The following FSTL4 variants were observed in gnomAD, a reference collection of about 807,000 sequenced individuals.
FSTL4 encodes follistatin-related protein 4.
A neutral mutation model predicts 78.2 loss-of-function variants in FSTL4; 28 were observed. That is an observed-to-expected ratio of 0.36 (90% CI 0.27 to 0.49). The LOEUF is 0.49. Among genes scored for constraint, FSTL4 ranks in the 20% least tolerant of loss-of-function variants. The pLI is 0.98. For synonymous variants in FSTL4, 422 were observed against 440.5 expected (o/e 0.96, Z 0.53); for missense variants, 922 against 1,084.9 (o/e 0.85, Z 2.11).
intron 3 of FSTL4, among the ~76,000 whole-genome samples, chr5:133,466,261 G>A (rs950974300): frequency 1.3e-5 from 2 of 152,206 alleles, no homozygotes; most frequent in African/African-American, 2.4e-5. Context: ...AACACTTACC[G>A]GCCAGGTGCG....
chr5:133,356,363 C>A (rs1428067102), intron 4 of FSTL4, among the ~76,000 whole-genome samples: 2 of 152,034 alleles, frequency 1.3e-5, no homozygotes, highest in African/African-American at 2.4e-5. Context: ...TGCCACTGAA[C>A]CTGGATTTAG....
chr5:133,235,406 G>A (rs1751627699), intron 7 of FSTL4, among the ~76,000 whole-genome samples: 1 of 151,332 alleles, frequency 6.6e-6, no homozygotes, highest in Non-Finnish European at 1.5e-5. Context: ...GGCTGAGGTA[G>A]GAGAATTGCT....
intron 2 of FSTL4, among the ~76,000 whole-genome samples, chr5:133,600,883 C>T (rs1391568369): frequency 6.6e-6 from 1 of 152,186 alleles, no homozygotes; most frequent in Non-Finnish European, 1.5e-5. Context: ...AGGTTTTTCA[C>T]TTATTTAGAG....
At chr5:133,774,457 C>A in the FSTL4 span, among the ~76,000 whole-genome samples, 22 of 152,042 alleles carry the variant, frequency 1.4e-4, no homozygotes, top group Non-Finnish European at 2.9e-4. Context: ...GGATAGCCCC[C>A]CATAACAATT....
chr5:133,281,927 CCCAGACTAGAGACCAGG>C (rs1753018485), intron 6 of FSTL4, among the ~76,000 whole-genome samples: 2 of 152,036 alleles, frequency 1.3e-5, no homozygotes, highest in Admixed American at 1.3e-4. Context: ...GTTCTAGGCT[CCCAGACTAGAGACCAGG>C]CCAGAGCCTG....
intron 4 of FSTL4, among the ~76,000 whole-genome samples, chr5:133,340,501 G>A (rs1754556583): frequency 6.6e-6 from 1 of 152,120 alleles, no homozygotes; most frequent in Non-Finnish European, 1.5e-5. Flanking sequence ...CTGCTTCAAG[G>A]CAGCCACTTC....
the FSTL4 span, among the ~76,000 whole-genome samples, chr5:133,791,773 C>G: frequency 6.6e-6 from 1 of 152,260 alleles, no homozygotes; most frequent in African/African-American, 2.4e-5. Context: ...AGCTCCCCTC[C>G]TCCTCCTCTG....
At chr5:133,449,943 C>T (rs1057122771) in intron 3 of FSTL4, among the ~76,000 whole-genome samples, 3 of 152,212 alleles carry the variant, frequency 2.0e-5, no homozygotes, top group African/African-American at 7.2e-5. Context: ...ACTGGGGACA[C>T]ACTGTGGTCA....
chr5:133,432,022 GACCT>G (rs1244538084), intron 3 of FSTL4, among the ~76,000 whole-genome samples: 36 of 152,146 alleles, frequency 2.4e-4, no homozygotes, highest in African/African-American at 8.2e-4. Flanking sequence ...AACACTGATG[GACCT>G]ACCTCAGTTG....
At chr5:133,435,918 A>T (rs1757024537) in intron 3 of FSTL4, among the ~76,000 whole-genome samples, 1 of 152,268 alleles carries the variant, frequency 6.6e-6, no homozygotes, top group African/African-American at 2.4e-5. Flanking sequence ...TGACAAACAG[A>T]ACTTCGCCCA....
the FSTL4 span, among the ~76,000 whole-genome samples, chr5:133,775,894 C>T: frequency 6.6e-6 from 1 of 152,154 alleles, no homozygotes; most frequent in East Asian, 1.9e-4. Flanking sequence ...TCCCAGTGGG[C>T]AGAATCAATG....
intron 3 of FSTL4, among the ~76,000 whole-genome samples, chr5:133,462,045 T>C (rs1174361983): frequency 6.6e-6 from 1 of 152,186 alleles, no homozygotes; most frequent in East Asian, 1.9e-4. Context: ...GTGGGGGCCA[T>C]CTGCTTTCAA....
chr5:133,820,292 G>A, the FSTL4 span, among the ~76,000 whole-genome samples: 1 of 152,186 alleles, frequency 6.6e-6, no homozygotes, highest in African/African-American at 2.4e-5. Flanking sequence ...TCAACAAGAT[G>A]TGCCTTTAAA....
the FSTL4 span, among the ~76,000 whole-genome samples, chr5:133,757,926 G>A: frequency 6.6e-6 from 1 of 152,180 alleles, no homozygotes; most frequent in Non-Finnish European, 1.5e-5. Context: ...TCACTGCTAT[G>A]GAATGAGAGC....
At chr5:133,536,750 T>C (rs1236972522) in intron 3 of FSTL4, among the ~76,000 whole-genome samples, 1 of 152,172 alleles carries the variant, frequency 6.6e-6, no homozygotes, top group East Asian at 1.9e-4. Context: ...AATTCATTCA[T>C]TTTCACTCTG....
At chr5:133,318,222 T>C (rs890226365) in intron 4 of FSTL4, among the ~76,000 whole-genome samples, 1 of 152,210 alleles carries the variant, frequency 6.6e-6, no homozygotes. Flanking sequence ...CACCCTCACC[T>C]TGCTTGCATC....
intron 2 of FSTL4, among the ~76,000 whole-genome samples, chr5:133,597,437 T>C (rs381879): frequency 0.11 from 17,476 of 152,242 alleles, 1,198 homozygotes; most frequent in African/African-American, 0.19. Context: ...GCCTGATGTC[T>C]TCATTACAAG....
chr5:133,515,544 C>T (rs1009940809), intron 3 of FSTL4, among the ~76,000 whole-genome samples: 4 of 151,816 alleles, frequency 2.6e-5, no homozygotes, highest in Admixed American at 2.6e-4. Context: ...AAAAAGAAAG[C>T]ATAAATTCAG....
At chr5:133,834,166 T>C in the FSTL4 span, among the ~76,000 whole-genome samples, 2 of 152,244 alleles carry the variant, frequency 1.3e-5, no homozygotes, top group Non-Finnish European at 2.9e-5. Context: ...AGGAGGATCA[T>C]ATCCCATGTT....
Sources: allele counts gnomAD v4.1 joint callset (sites outside exome capture counted in the v4.1 genomes callset), GRCh38; gene constraint gnomAD v4.1.1; transcripts MANE v1.5; gene names NCBI Gene and HGNC (gene_info 2026-07-23, HGNC 2026-07-21).